ARMC9: variants seen among roughly 807,000 people sequenced by gnomAD.
The protein encoded by ARMC9 is lisH domain-containing protein ARMC9.
In ARMC9, 94 loss-of-function variants were observed where a neutral mutation model predicts 107.0. The observed-to-expected ratio is 0.88, with a 90% confidence interval of 0.74 to 1.04. The LOEUF (loss-of-function observed/expected upper bound fraction) is 1.04, where lower values mean the gene tolerates loss of function less well. Ranked by LOEUF, ARMC9 falls within the 50% of genes least tolerant of loss-of-function variation. The pLI is 0.00. For missense variants in ARMC9, 942 were observed against 1,030.1 expected, an observed-to-expected ratio of 0.91 and a Z score of 1.17; for synonymous variants, 380 against 396.9, an observed-to-expected ratio of 0.96 and a Z score of 0.51.
chr2:231,326,025 C>A (rs78453237), intron 19 of ARMC9, among the ~76,000 whole-genome samples: 7 of 152,170 alleles, frequency 4.6e-5, no homozygotes, highest in Non-Finnish European at 1.0e-4. Context: ...AGACCCTGAA[C>A]TTCAGATGCC....
At chr2:231,276,895 A>G (rs1012532824) in intron 15 of ARMC9, 120 bp downstream of exon 15, 4 of 1,336,262 alleles carry the variant, frequency 3.0e-6, no homozygotes, top group Non-Finnish European at 4.0e-6. Flanking sequence ...AAAAACAGAA[A>G]AAGGAGTAGA....
At chr2:231,368,674 G>T (rs894844518) in intron 23 of ARMC9, among the ~76,000 whole-genome samples, 3 of 152,130 alleles carry the variant, frequency 2.0e-5, no homozygotes, top group Non-Finnish European at 2.9e-5. Context: ...GCCCAAGCTG[G>T]AGGGCCCTGG....
At chr2:231,224,094 A>C (rs1457169862) in intron 6 of ARMC9, among the ~76,000 whole-genome samples, 1 of 152,206 alleles carries the variant, frequency 6.6e-6, no homozygotes, top group Non-Finnish European at 1.5e-5. Flanking sequence ...TAAGAATCTA[A>C]TCAAAATGAT....
At position 231,375,361 on chromosome 2, in the gene ARMC9, G is replaced by T. The variant is rs2046165099; in HGVS notation, c.*3826G>T. On this transcript the variant is annotated 3_prime_UTR_variant, in exon 25 of 25. Coordinates refer to ENST00000611582, the MANE Select transcript of ARMC9 (RefSeq NM_001352754.2). The surrounding 1 kb of genome is among the most constrained non-coding windows in gnomAD (Gnocchi z 4.3). The stretch of plus-strand genomic sequence containing the variant: ...GTTCACTATTCTCCCATTGTCCAAA[G>T]CAGACCACATGGCCAAGGCCCAAGT... 6.6e-6 allele frequency among the ~76,000 whole-genome samples: 1 copy of T among 152,194 alleles called. No individual in the cohort carries two copies. Among genetic ancestry groups the T allele is most frequent in the African/African-American group, 2.4e-5 (1 of 41,448 alleles).
intron 19 of ARMC9, among the ~76,000 whole-genome samples, chr2:231,315,619 G>A (rs1243296909): frequency 2.0e-5 from 3 of 152,178 alleles, no homozygotes; most frequent in Admixed American, 6.5e-5. Flanking sequence ...TGATTCATAT[G>A]TCTAGCTCTA....
At position 231,282,105 on chromosome 2, in the gene ARMC9, C is replaced by T; in HGVS notation, c.1598C>T (p.Pro533Leu). ...GCTCTGTACAGCATCCTTTCTGTTC[C>T]ATCCATTCGTGAGGAAGCAAGAGCA... is the stretch of plus-strand genomic sequence containing the variant. The part of the protein sequence containing the change: ...NGALYSILSV[P>L]SIREEARAMG... Residue 533 changes from proline (P) to leucine (L), a missense_variant, in exon 17 of 25, where the codon CCA becomes CTA. By Grantham distance (98) the Pro-to-Leu change is moderately conservative (BLOSUM62 -3). Coordinates refer to ENST00000611582, the MANE Select transcript of ARMC9 (RefSeq NM_001352754.2). 3.1e-6 allele frequency: 5 copies of T among 1,614,120 alleles called. No individual in the cohort carries two copies. The highest frequency in any genetic ancestry group is 4.2e-6 in the Non-Finnish European group (5 of 1,179,994).
intron 4 of ARMC9, among the ~76,000 whole-genome samples, chr2:231,215,524 A>G (rs1429060774): frequency 6.6e-6 from 1 of 152,202 alleles, no homozygotes; most frequent in East Asian, 1.9e-4. Context: ...GGAAAAGAGT[A>G]CGTCTCTTTG....
chr2:231,240,874 A>G (rs1010737833), intron 9 of ARMC9, among the ~76,000 whole-genome samples: 2 of 152,202 alleles, frequency 1.3e-5, no homozygotes, highest in African/African-American at 4.8e-5. Context: ...TTAACATGTT[A>G]GAAGAATATA....
intron 21 of ARMC9, 29 bp from the exon 22 acceptor site, chr2:231,355,769 T>A: frequency 6.6e-7 from 1 of 1,520,116 alleles, no homozygotes; most frequent in Non-Finnish European, 8.8e-7. Flanking sequence ...CTGGCTGTAC[T>A]CACTGCCGTT....
intron 20 of ARMC9, among the ~76,000 whole-genome samples, chr2:231,343,485 G>T (rs368990838): frequency 8.6e-5 from 13 of 151,920 alleles, no homozygotes; most frequent in African/African-American, 2.7e-4. Flanking sequence ...ACAGTTCCCA[G>T]GCGCCCTTCA....
chr2:231,361,791 C>T (rs1188150704), intron 23 of ARMC9, among the ~76,000 whole-genome samples: 1 of 152,136 alleles, frequency 6.6e-6, no homozygotes, highest in African/African-American at 2.4e-5. Context: ...CAGCTTAGTT[C>T]TGGGGGCCCC....
intron 19 of ARMC9, among the ~76,000 whole-genome samples, chr2:231,326,547 T>C (rs2043330709): frequency 6.6e-6 from 1 of 152,154 alleles, no homozygotes; most frequent in Non-Finnish European, 1.5e-5. Context: ...CGAATCCCCT[T>C]TTCTTAGGAC....
At chr2:231,241,424 G>A (rs1370037788) in intron 9 of ARMC9, among the ~76,000 whole-genome samples, 3 of 151,952 alleles carry the variant, frequency 2.0e-5, no homozygotes, top group Admixed American at 2.0e-4. Context: ...GAACCCACGG[G>A]CCAGGAGCTC....
rs141984986 is a variant in ARMC9, at chr2:231,259,025, G to T, written c.949G>T (p.Asp317Tyr). ...LKDVPLLPSL[D>Y]YEKLKKDLIL... ...GGATGTCCCATTACTGCCCTCCTTGGATTATGAGAAACTGAAGAAGGATTT... is the reference window on the plus strand; with the variant it reads ...GGATGTCCCATTACTGCCCTCCTTGTATTATGAGAAACTGAAGAAGGATTT... The change falls in exon 11 of 25, where the codon GAT (aspartate) becomes TAT (tyrosine). Residue 317 changes from aspartate (D) to tyrosine (Y), a missense_variant. Asp to Tyr is a radical substitution (Grantham distance 160). Coordinates refer to ENST00000611582, the MANE Select transcript of ARMC9 (RefSeq NM_001352754.2). The T allele has an allele frequency of 1.9e-6, 3 of 1,614,112 alleles. No individual in the cohort carries two copies. Among genetic ancestry groups the T allele is most frequent in the Non-Finnish European group, 2.5e-6 (3 of 1,179,986 alleles).
intron 24 of ARMC9, chr2:231,371,025 C>T (rs956223044): frequency 1.3e-5 from 6 of 455,202 alleles, no homozygotes; most frequent in Non-Finnish European, 2.2e-5. Flanking sequence ...GTTGGGACCC[C>T]TCCCACTTCC....
At chr2:231,242,976 G>T (rs954720991) in intron 9 of ARMC9, among the ~76,000 whole-genome samples, 1 of 152,130 alleles carries the variant, frequency 6.6e-6, no homozygotes, top group Admixed American at 6.5e-5. Flanking sequence ...GCCAGGCGTG[G>T]TGGCTCACGC....
At chr2:231,341,559 C>G (rs1023767998) in intron 20 of ARMC9, among the ~76,000 whole-genome samples, 1 of 149,438 alleles carries the variant, frequency 6.7e-6, no homozygotes, top group African/African-American at 2.6e-5. Flanking sequence ...ATTATGTAGA[C>G]TGCTAACAGT....
intron 16 of ARMC9, among the ~76,000 whole-genome samples, chr2:231,280,292 C>T (rs1476601609): frequency 6.6e-6 from 1 of 151,880 alleles, no homozygotes; most frequent in African/African-American, 2.4e-5. Context: ...CCTTCTCTCC[C>T]ACTGAAAATA....
At chr2:231,235,500 T>C in intron 8 of ARMC9, 119 bp downstream of exon 8, 3 of 1,217,898 alleles carry the variant, frequency 2.5e-6, no homozygotes, top group South Asian at 3.9e-5. Context: ...CAGTGGCGCC[T>C]GCTGCTCTAT....
Sources: gnomAD v4.1 joint callset for allele counts (sites outside exome capture counted in the v4.1 genomes callset) on GRCh38, gnomAD v4.1.1 for gene constraint, Gnocchi (gnomAD v3.1) non-coding constraint, MANE v1.5 for transcripts, NCBI Gene and HGNC (gene_info 2026-07-23, HGNC 2026-07-21) for gene names.